The following RPAP2 variants were observed in gnomAD, a reference collection of about 807,000 sequenced individuals.
RPAP2 encodes RNA polymerase II associated protein 2.
A neutral mutation model predicts 73.1 loss-of-function variants in RPAP2; 52 were observed. That is an observed-to-expected ratio of 0.71 (90% confidence interval 0.57 to 0.90). The LOEUF is 0.90. RPAP2 is among the 40% of genes least tolerant of loss of function. RPAP2 has a pLI of 0.00. For missense variants in RPAP2, 598 were observed against 701.8 expected (o/e 0.85, Z 1.67); for synonymous variants, 225 against 242.1 (o/e 0.93, Z 0.65).
chr1:92,370,262 AATATTT>A (rs1655093173), intron 11 of RPAP2, among the ~76,000 whole-genome samples: 1 of 152,188 alleles, frequency 6.6e-6, no homozygotes, highest in African/African-American at 2.4e-5. Flanking sequence ...CAGTTTGGAC[AATATTT>A]ATATTATGGG....
At chr1:92,299,548 C>CT in intron 1 of RPAP2, among the ~76,000 whole-genome samples, 1 of 152,240 alleles carries the variant, frequency 6.6e-6, no homozygotes, top group East Asian at 1.9e-4. Context: ...GGACTCCCCT[C>CT]TTCCCCCAGA....
At chr1:92,375,285 C>T (rs539322147) in intron 11 of RPAP2, among the ~76,000 whole-genome samples, 1 of 152,300 alleles carries the variant, frequency 6.6e-6, no homozygotes, top group South Asian at 2.1e-4. Flanking sequence ...TTCATGTATA[C>T]ATCGCCTAAT....
chr1:92,336,965 T>G (rs769774119), intron 10 of RPAP2, among the ~76,000 whole-genome samples: 7 of 152,068 alleles, frequency 4.6e-5, no homozygotes, highest in Non-Finnish European at 1.0e-4. Context: ...TGTTGTGATT[T>G]TTCCTAAAAC....
intron 6 of RPAP2, among the ~76,000 whole-genome samples, chr1:92,307,592 A>T (rs1419734412): frequency 1.3e-5 from 2 of 152,130 alleles, no homozygotes; most frequent in African/African-American, 4.8e-5. Flanking sequence ...AGAATGTTAA[A>T]TTTTTTCAGA....
intron 11 of RPAP2, among the ~76,000 whole-genome samples, chr1:92,366,295 C>T (rs1236695447): frequency 6.6e-6 from 1 of 152,088 alleles, no homozygotes; most frequent in African/African-American, 2.4e-5. Context: ...AGAGCCAGAC[C>T]ATGTCTCTTA....
In RPAP2 at chr1:92,391,588, C is replaced by A. The variant is rs1253989339; in HGVS notation, c.*4577C>A. 1.3e-5 allele frequency: 2 copies of A among 152,038 alleles called. No homozygotes were observed. Among genetic ancestry groups the A allele is most frequent in the Non-Finnish European group, 2.9e-5 (2 of 68,002 alleles). The allele number at this position is 152,038 out of a possible 1,614,324, so 9.4% of individuals were successfully genotyped here. ...CAAACCCTTCAAAAAATCAGTGAAT[C>A]CAGGAGCTAGTTTTTTGAAAAGATC... is the stretch of plus-strand genomic sequence containing the variant. On this transcript the variant is annotated 3_prime_UTR_variant, in exon 13 of 13. Coordinates refer to ENST00000610020, the MANE Select transcript of RPAP2 (RefSeq NM_024813.3).
chr1:92,315,692 A>C (rs1447500539), intron 6 of RPAP2, among the ~76,000 whole-genome samples: 1 of 152,216 alleles, frequency 6.6e-6, no homozygotes, highest in Non-Finnish European at 1.5e-5. Context: ...TTTAAGATTT[A>C]GACAAATTCA....
At chr1:92,354,680 C>A (rs1209293713) in intron 11 of RPAP2, among the ~76,000 whole-genome samples, 1 of 151,936 alleles carries the variant, frequency 6.6e-6, no homozygotes, top group Non-Finnish European at 1.5e-5. Context: ...TTCTTATAAT[C>A]AAAGTTTTTA....
At chr1:92,320,094 C>G (rs1336170722) in intron 6 of RPAP2, among the ~76,000 whole-genome samples, 1 of 151,560 alleles carries the variant, frequency 6.6e-6, no homozygotes, top group African/African-American at 2.4e-5. Context: ...GTTAATTGTA[C>G]AGACAATGAT....
intron 11 of RPAP2, among the ~76,000 whole-genome samples, chr1:92,371,317 A>AT (rs1430055099): frequency 0.012 from 646 of 55,708 alleles, 2 homozygotes; most frequent in Middle Eastern, 0.02. Flanking sequence ...AAAAAAAAAA[A>AT]AAATATATAT....
Position 92,299,161 on chromosome 1 carries a change from C to G in RPAP2, c.73+15C>G. 1 of 1,470,398 alleles carries G rather than the reference C, an allele frequency of 6.8e-7. No homozygotes were observed. The highest frequency in any genetic ancestry group is 9.1e-7 in the Non-Finnish European group (1 of 1,096,894). The allele number at this position is 1,470,398 out of a possible 1,614,324, so 91.1% of individuals were successfully genotyped here. The stretch of plus-strand genomic sequence containing the variant: ...AAAAGCCGCAGGTAGGAGCAAGGAT[C>G]TCTTCCCACTTTTGGACCCTGAAAG... On this transcript the variant is annotated intron_variant, in intron 1 of 12. Transcript: ENST00000610020.
intron 10 of RPAP2, among the ~76,000 whole-genome samples, chr1:92,342,820 T>C (rs909755082): frequency 2.0e-5 from 3 of 152,112 alleles, no homozygotes; most frequent in East Asian, 3.9e-4. Context: ...TCTGGAAGGA[T>C]AGGGTAAGCC....
At chr1:92,331,440 T>C (rs1652959317) in intron 8 of RPAP2, among the ~76,000 whole-genome samples, 1 of 152,198 alleles carries the variant, frequency 6.6e-6, no homozygotes, top group African/African-American at 2.4e-5. Context: ...TTCTTTTGCA[T>C]TGAATCATTA....
chr1:92,388,950 C>G lies in RPAP2; in HGVS notation c.*1939C>G, dbSNP rs1655956436. On this transcript the variant is annotated 3_prime_UTR_variant, in exon 13 of 13. Coordinates refer to ENST00000610020, the MANE Select transcript of RPAP2 (RefSeq NM_024813.3). The stretch of plus-strand genomic sequence containing the variant: ...CCTACTGTCTCTGTAGATTCCACCT[C>G]CAGGGGCAGGGCATATCTGAACAAA... The G allele has an allele frequency of 1.3e-5, 2 of 152,378 alleles. No individual in the cohort carries two copies. Among genetic ancestry groups the G allele is most frequent in the South Asian group, 4.1e-4 (2 of 4,840 alleles). The allele number at this position is 152,378 out of a possible 1,614,324, so 9.4% of individuals were successfully genotyped here.
chr1:92,378,064 G>C (rs1045544144), intron 11 of RPAP2, among the ~76,000 whole-genome samples: 1 of 152,130 alleles, frequency 6.6e-6, no homozygotes, highest in African/African-American at 2.4e-5. Flanking sequence ...TTTGGGTTAA[G>C]TACTAATGGC....
In RPAP2 at chr1:92,373,733, TAAAAATAAAAAAAAAAAAAAA is replaced by T. The variant is rs1374838141; in HGVS notation, c.1689-6985_1689-6965del. 7.8e-4 allele frequency among the ~76,000 whole-genome samples: 32 copies of T among 40,906 alleles called. No individual in the cohort carries two copies. The East Asian group carries it at 0.025, about 31-fold the overall frequency. 26.8% of individuals were successfully genotyped at this position (40,906 alleles called of 152,430 possible). ...CAACATGGTGAAACCCCGTCTCTACTAAAAATAAAAAAAAAAAAAAAAAAAAAAAAAAAAAAAGTAGCCAGG... is the reference window on the plus strand; with the variant it reads ...CAACATGGTGAAACCCCGTCTCTACTAAAAAAAAAAAAAAAAGTAGCCAGG... On this transcript the variant is annotated intron_variant, in intron 11 of 12. Coordinates refer to ENST00000610020, the MANE Select transcript of RPAP2 (RefSeq NM_024813.3).
Position 92,387,008 on chromosome 1 carries a change from C to G in RPAP2, c.*-3C>G. On this transcript the variant is annotated splice_region_variant and splice_polypyrimidine_tract_variant and intron_variant, in intron 12 of 12. Coordinates refer to ENST00000610020, the MANE Select transcript of RPAP2 (RefSeq NM_024813.3). ...ACTCAAAGTATCCTTTTTTGCTTCA[C>G]AGATATATTCCATGAAGACAAAATA... 1 of 1,587,250 alleles carries G rather than the reference C, an allele frequency of 6.3e-7. No individual in the cohort carries two copies.
chr1:92,338,257 T>C (rs1433339700), intron 10 of RPAP2, among the ~76,000 whole-genome samples: 1 of 152,222 alleles, frequency 6.6e-6, no homozygotes, highest in African/African-American at 2.4e-5. Flanking sequence ...TTAGGTGTCA[T>C]GAAAACTATG....
intron 5 of RPAP2, 25 bp downstream of exon 5, chr1:92,304,374 G>A: frequency 7.2e-7 from 1 of 1,387,998 alleles, no homozygotes; most frequent in Non-Finnish European, 9.9e-7. Context: ...TTTCATTGTG[G>A]CAATTAATTT....
Sources: allele counts gnomAD v4.1 joint callset (sites outside exome capture counted in the v4.1 genomes callset), GRCh38; gene constraint gnomAD v4.1.1; transcripts MANE v1.5; gene names NCBI Gene and HGNC (gene_info 2026-07-23, HGNC 2026-07-21).